Variants in PCED1B observed in about 807,000 individuals in gnomAD.
PCED1B encodes the protein PC-esterase domain-containing protein 1B.
For synonymous variants in PCED1B, 251 were observed against 246.1 expected (o/e 1.02, Z -0.19); for missense variants, 573 against 573.9 (o/e 1.00, Z 0.02).
chr12:47,217,516 G>GT (rs1943328565), intron 3 of PCED1B, among the ~76,000 whole-genome samples: 1 of 111,802 alleles, frequency 8.9e-6, no homozygotes, highest in Non-Finnish European at 1.8e-5. Flanking sequence ...AAGAAAGAAA[G>GT]AAGAAAGAGA....
chr12:47,212,592 C>A (rs1325466129), intron 2 of PCED1B, among the ~76,000 whole-genome samples: 1 of 152,186 alleles, frequency 6.6e-6, no homozygotes, highest in Non-Finnish European at 1.5e-5. Flanking sequence ...CCTCCACTTG[C>A]GCAGTCTATT....
At chr12:47,172,102 T>A (rs1235774098) in intron 2 of PCED1B, among the ~76,000 whole-genome samples, 4 of 152,186 alleles carry the variant, frequency 2.6e-5, no homozygotes, top group Non-Finnish European at 4.4e-5. Flanking sequence ...TAATTTTAAC[T>A]AACTTTGCCT....
rs1428589559 is a variant in PCED1B, at chr12:47,079,988, G to A, written c.-609+263G>A. On this transcript the variant is annotated intron_variant, in intron 1 of 3. Transcript: ENST00000546455. ...AGGGAGCAGGCTGGGCGCGTGGTGG[G>A]GGGCGCGCGATGCGGAGGGGGCGGC... The A allele has an allele frequency of 3.9e-5, 6 of 151,958 alleles. No individual in the cohort carries two copies. The South Asian group carries it at 1.0e-3, about 26-fold the overall frequency. The allele number at this position is 151,958 out of a possible 1,614,324, so 9.4% of individuals were successfully genotyped here. A position where few individuals can be genotyped will look rare whatever the true frequency, so the allele number is the denominator to read the frequency against.
intron 2 of PCED1B, among the ~76,000 whole-genome samples, chr12:47,189,095 A>G (rs1434140633): frequency 2.0e-5 from 3 of 151,860 alleles, no homozygotes; most frequent in African/African-American, 7.3e-5. Flanking sequence ...CATTTCCTCT[A>G]TCTTACATTT....
chr12:47,133,172 T>C (rs2137366125), intron 2 of PCED1B, among the ~76,000 whole-genome samples: 1 of 152,290 alleles, frequency 6.6e-6, no homozygotes, highest in South Asian at 2.1e-4. Flanking sequence ...ATTTGTAAAT[T>C]TGTGCAAAAC....
At chr12:47,105,690 C>T (rs1337680546) in intron 2 of PCED1B, among the ~76,000 whole-genome samples, 1 of 152,072 alleles carries the variant, frequency 6.6e-6, no homozygotes, top group Non-Finnish European at 1.5e-5. Flanking sequence ...ATAGTCGACC[C>T]TAGTTGGATT....
intron 2 of PCED1B, among the ~76,000 whole-genome samples, chr12:47,200,974 G>A (rs1168107286): frequency 6.6e-6 from 1 of 152,232 alleles, no homozygotes; most frequent in African/African-American, 2.4e-5. Flanking sequence ...TTCAGATAGT[G>A]TGGTTATTGA....
At chr12:47,087,723 T>C (rs901351222) in intron 1 of PCED1B, among the ~76,000 whole-genome samples, 3 of 152,236 alleles carry the variant, frequency 2.0e-5, no homozygotes, top group African/African-American at 7.2e-5. Flanking sequence ...GTTGGAAAAG[T>C]ATCTGATTCA....
At chr12:47,086,681 A>G (rs1042872926) in intron 1 of PCED1B, among the ~76,000 whole-genome samples, 1 of 152,204 alleles carries the variant, frequency 6.6e-6, no homozygotes, top group Non-Finnish European at 1.5e-5. Flanking sequence ...TTTGGTCATA[A>G]ATGGCAGGTG....
chr12:47,123,312 T>C (rs757087728), intron 2 of PCED1B, among the ~76,000 whole-genome samples: 1 of 152,180 alleles, frequency 6.6e-6, no homozygotes, highest in Non-Finnish European at 1.5e-5. Flanking sequence ...AGACATTACT[T>C]GAGCTCTAAT....
At chr12:47,167,687 C>T (rs186825826) in intron 2 of PCED1B, among the ~76,000 whole-genome samples, 2 of 152,246 alleles carry the variant, frequency 1.3e-5, no homozygotes, top group South Asian at 2.1e-4. Flanking sequence ...ACCATGGAAT[C>T]GATCGAATTA....
intron 2 of PCED1B, among the ~76,000 whole-genome samples, chr12:47,189,432 C>T (rs1349155859): frequency 6.6e-6 from 1 of 152,196 alleles, no homozygotes; most frequent in Non-Finnish European, 1.5e-5. Flanking sequence ...AGCCTGTAAT[C>T]TTGCTTAAAT....
chr12:47,161,661 G>A (rs998179945), intron 2 of PCED1B, among the ~76,000 whole-genome samples: 6 of 152,178 alleles, frequency 3.9e-5, no homozygotes, highest in African/African-American at 1.4e-4. Context: ...TTACACCATT[G>A]GTGGGACTAT....
intron 2 of PCED1B, among the ~76,000 whole-genome samples, chr12:47,165,811 T>C (rs931863562): frequency 5.9e-5 from 9 of 152,202 alleles, no homozygotes; most frequent in African/African-American, 2.2e-4. Flanking sequence ...ATGTGCACAT[T>C]AGTCCTCTAT....
intron 3 of PCED1B, among the ~76,000 whole-genome samples, chr12:47,226,235 GGTTGCAATGATT>G (rs1182642178): frequency 1.3e-5 from 2 of 152,200 alleles, no homozygotes; most frequent in Non-Finnish European, 2.9e-5. Flanking sequence ...GTTGGAATCA[GGTTGCAATGATT>G]GTTCATAAAC....
chr12:47,153,602 GA>G (rs958223028), intron 2 of PCED1B, among the ~76,000 whole-genome samples: 20 of 151,990 alleles, frequency 1.3e-4, no homozygotes, highest in Non-Finnish European at 7.4e-5. Context: ...ACAGAAAGAG[GA>G]AAAAAATTAG....
intron 2 of PCED1B, among the ~76,000 whole-genome samples, chr12:47,202,745 A>G (rs1276066913): frequency 6.6e-6 from 1 of 151,534 alleles, no homozygotes; most frequent in African/African-American, 2.4e-5. Flanking sequence ...CAGTTTTTTT[A>G]TTTTTGAAAA....
intron 2 of PCED1B, among the ~76,000 whole-genome samples, chr12:47,104,716 G>T (rs1938868464): frequency 1.3e-5 from 2 of 152,198 alleles, no homozygotes; most frequent in African/African-American, 4.8e-5. Context: ...ACTCTAAAAA[G>T]ATTTTTTGGA....
intron 2 of PCED1B, among the ~76,000 whole-genome samples, chr12:47,117,816 A>G (rs11183741): frequency 0.22 from 32,860 of 151,892 alleles, 4,520 homozygotes; most frequent in Non-Finnish European, 0.31. Context: ...TCCCACCAAC[A>G]GTGTAAAAGT....
Sources: gnomAD v4.1 joint callset for allele counts (sites outside exome capture counted in the v4.1 genomes callset) on GRCh38, gnomAD v4.1.1 for gene constraint, MANE v1.5 for transcripts, NCBI Gene and HGNC (gene_info 2026-07-23, HGNC 2026-07-21) for gene names.